GRIA4: variants seen among roughly 807,000 people sequenced by gnomAD.
The protein encoded by GRIA4 is glutamate receptor 4.
Under a neutral mutation model 104.0 loss-of-function variants are expected in GRIA4, and 34 were observed. The ratio of observed to expected loss-of-function variants is 0.33; its 90% CI spans 0.25 to 0.44. GRIA4 has a LOEUF of 0.44. Ranked by LOEUF, GRIA4 falls within the 20% of genes least tolerant of loss-of-function variation. GRIA4 has a pLI of 1.00. For synonymous variants in GRIA4, 386 were observed against 381.9 expected (o/e 1.01, Z -0.13); for missense variants, 750 against 1,096.5 (o/e 0.68, Z 4.46).
rs1475109072 is a variant in GRIA4, at chr11:105,862,103, T to C, written c.567T>C (p.Phe189=). The change falls in exon 5 of 17, where the codon TTT becomes TTC. Residue 189 remains phenylalanine (F), a synonymous_variant. Transcript: ENST00000282499. ...TCAGCGCTATATGTGTGGAAAATTT[T>C]AATGATGTCAGCTATAGGCAACTTC... is the stretch of plus-strand genomic sequence containing the variant. ...WHVSAICVEN[F]NDVSYRQLLE... The C allele has an allele frequency of 6.2e-7, 1 of 1,610,604 alleles. No individual in the cohort carries two copies. Among genetic ancestry groups the C allele is most frequent in the Admixed American group, 1.7e-5 (1 of 60,002 alleles).
chr11:105,718,850 CT>C (rs1954195679), intron 3 of GRIA4, among the ~76,000 whole-genome samples: 1 of 152,134 alleles, frequency 6.6e-6, no homozygotes, highest in African/African-American at 2.4e-5. Flanking sequence ...AAGATTTGTG[CT>C]TGCTGAGGCT....
chr11:105,783,854 T>C (rs1324658501), intron 4 of GRIA4, among the ~76,000 whole-genome samples: 1 of 152,040 alleles, frequency 6.6e-6, no homozygotes, highest in Non-Finnish European at 1.5e-5. Context: ...GACAGAATTA[T>C]TTTAAGAAAA....
intron 3 of GRIA4, among the ~76,000 whole-genome samples, chr11:105,644,054 G>C (rs1951450394): frequency 6.6e-6 from 1 of 152,072 alleles, no homozygotes; most frequent in Non-Finnish European, 1.5e-5. Context: ...CAATATGATT[G>C]ACATCAGATA....
intron 10 of GRIA4, among the ~76,000 whole-genome samples, chr11:105,914,675 C>T (rs1322898271): frequency 6.6e-6 from 1 of 152,110 alleles, no homozygotes; most frequent in Non-Finnish European, 1.5e-5. Context: ...ATATACAACT[C>T]ATATTCACTA....
At chr11:105,763,096 T>A (rs1233786232) in intron 4 of GRIA4, among the ~76,000 whole-genome samples, 1 of 152,090 alleles carries the variant, frequency 6.6e-6, no homozygotes, top group African/African-American at 2.4e-5. Flanking sequence ...TGGGTAAATA[T>A]TAGGTTCAAA....
At chr11:105,790,125 G>A (rs968273956) in intron 4 of GRIA4, among the ~76,000 whole-genome samples, 2 of 152,120 alleles carry the variant, frequency 1.3e-5, no homozygotes, top group African/African-American at 4.8e-5. Context: ...CAAAATCTTA[G>A]AGAAGATAAT....
chr11:105,817,794 T>C (rs192747772), intron 4 of GRIA4, among the ~76,000 whole-genome samples: 52 of 152,292 alleles, frequency 3.4e-4, no homozygotes, highest in Non-Finnish European at 1.0e-4. Context: ...AAGATATTTC[T>C]AGTAGTGAAG....
At chr11:105,628,683 C>CAGTTCTTT (rs1398106486) in intron 3 of GRIA4, among the ~76,000 whole-genome samples, 1 of 152,118 alleles carries the variant, frequency 6.6e-6, no homozygotes, top group Non-Finnish European at 1.5e-5. Context: ...CAGTCTTGGG[C>CAGTTCTTT]AGTTCTTTAT....
chr11:105,707,682 A>G (rs1953755696), intron 3 of GRIA4: 3 of 152,246 alleles, frequency 2.0e-5, no homozygotes, highest in Admixed American at 2.0e-4. Context: ...CAGGTGTTGA[A>G]AGATCATTAA....
At chr11:105,712,717 GT>G (rs139893501) in intron 3 of GRIA4, among the ~76,000 whole-genome samples, 81,395 of 151,096 alleles carry the variant, frequency 0.54, 21,991 homozygotes, top group Admixed American at 0.61. Flanking sequence ...CTTTGTTTTT[GT>G]TTTTTTTAAT....
At chr11:105,680,798 A>C (rs779079250) in intron 3 of GRIA4, among the ~76,000 whole-genome samples, 1 of 152,144 alleles carries the variant, frequency 6.6e-6, no homozygotes, top group African/African-American at 2.4e-5. Flanking sequence ...AGTGATTTCT[A>C]TCACCTTGTC....
intron 14 of GRIA4, among the ~76,000 whole-genome samples, chr11:105,946,911 G>A (rs141192649): frequency 2.0e-5 from 3 of 152,234 alleles, no homozygotes; most frequent in East Asian, 3.9e-4. Flanking sequence ...AGTAATACAG[G>A]TCTACCATTT....
At chr11:105,760,507 A>G (rs1458094683) in intron 4 of GRIA4, among the ~76,000 whole-genome samples, 2 of 152,212 alleles carry the variant, frequency 1.3e-5, no homozygotes, top group East Asian at 3.9e-4. Flanking sequence ...TATTTATCCC[A>G]ATGTACTTGA....
chr11:105,644,716 A>C (rs1382499217), intron 3 of GRIA4, among the ~76,000 whole-genome samples: 2 of 152,222 alleles, frequency 1.3e-5, no homozygotes, highest in African/African-American at 4.8e-5. Context: ...CGGTAAGGGC[A>C]CATTGGCATA....
At chr11:105,928,382 G>C (rs1947778090) in intron 13 of GRIA4, among the ~76,000 whole-genome samples, 1 of 151,970 alleles carries the variant, frequency 6.6e-6, no homozygotes, top group Non-Finnish European at 1.5e-5. Context: ...ATTCATGACA[G>C]TAGATTTGAT....
At chr11:105,976,778 C>G (rs1228367262) in intron 16 of GRIA4, among the ~76,000 whole-genome samples, 1 of 151,898 alleles carries the variant, frequency 6.6e-6, no homozygotes, top group East Asian at 1.9e-4. Context: ...CCAACAAAAC[C>G]CAGACCATAT....
chr11:105,791,223 T>C (rs1942200925), intron 4 of GRIA4, among the ~76,000 whole-genome samples: 1 of 152,164 alleles, frequency 6.6e-6, no homozygotes, highest in Admixed American at 6.6e-5. Context: ...AATTATGAAT[T>C]AGAGTGCTGC....
At chr11:105,801,293 T>C (rs1346867563) in intron 4 of GRIA4, among the ~76,000 whole-genome samples, 1 of 151,764 alleles carries the variant, frequency 6.6e-6, no homozygotes, top group Non-Finnish European at 1.5e-5. Context: ...AATTAGATTG[T>C]GATATTGAAT....
chr11:105,806,721 A>ACAG (rs140359486), intron 4 of GRIA4, among the ~76,000 whole-genome samples: 3,771 of 151,922 alleles, frequency 0.025, 101 homozygotes, highest in African/African-American at 0.061. Context: ...ATATTAGTGC[A>ACAG]CAGCCACTGA....
Sources: gnomAD v4.1 joint callset for allele counts (sites outside exome capture counted in the v4.1 genomes callset) on GRCh38, gnomAD v4.1.1 for gene constraint, MANE v1.5 for transcripts, NCBI Gene and HGNC (gene_info 2026-07-23, HGNC 2026-07-21) for gene names.